HSPB8: variants seen among roughly 807,000 people sequenced by gnomAD.
HSPB8 encodes the protein heat shock protein beta-8.
Under a neutral mutation model 16.5 loss-of-function variants are expected in HSPB8, and 9 were observed. The observed-to-expected ratio is 0.55, with a 90% CI of 0.33 to 0.95. HSPB8 has a LOEUF of 0.95. HSPB8 is among the 40% of genes least tolerant of loss of function. The pLI, the probability that HSPB8 is intolerant of heterozygous loss-of-function variation, is 0.03. For missense variants in HSPB8, 238 were observed against 251.2 expected, an observed-to-expected ratio of 0.95 and a Z score of 0.35; for synonymous variants, 99 against 94.8, an observed-to-expected ratio of 1.04 and a Z score of -0.26.
Position 119,183,759 on chromosome 12 carries a change from G to A in HSPB8, c.368-3266G>A, listed in dbSNP as rs1019376839. Among the ~76,000 whole-genome samples the A allele has an allele frequency of 2.9e-4, 44 of 152,074 alleles. 1 individual carries two copies. Among genetic ancestry groups the A allele is most frequent in the Non-Finnish European group, 5.9e-5 (4 of 68,016 alleles). On this transcript the variant is annotated intron_variant, in intron 1 of 2. Transcript: ENST00000281938. ...CCTCCTAGCAACACTCTCTTTAAAT[G>A]AGGTTAACCCCACCTCCAGGCCCCT... is the stretch of plus-strand genomic sequence containing the variant.
At chr12:119,189,302 GGT>G (rs60310566) in intron 2 of HSPB8, among the ~76,000 whole-genome samples, 20,533 of 143,212 alleles carry the variant, frequency 0.14, 1,440 homozygotes, top group South Asian at 0.2. Context: ...TCTTAAAAGG[GGT>G]GTGTGTGTGT....
chr12:119,183,852 C>T lies in HSPB8; in HGVS notation c.368-3173C>T, dbSNP rs751330086. Among the ~76,000 whole-genome samples, 35 of 152,308 alleles carry T rather than the reference C, an allele frequency of 2.3e-4. 1 individual carries two copies. In the Middle Eastern group the frequency reaches 0.01, roughly 44 times the overall value. On this transcript the variant is annotated intron_variant, in intron 1 of 2. Coordinates refer to ENST00000281938, the MANE Select transcript of HSPB8 (RefSeq NM_014365.3). ...TTCCCTCACCCCAATACCCTATTTT[C>T]AGAGCAGACAGAGGCACCTAGTTTC...
At chr12:119,190,955 A>G (rs1482952990) in intron 2 of HSPB8, among the ~76,000 whole-genome samples, 1 of 152,210 alleles carries the variant, frequency 6.6e-6, no homozygotes, top group Middle Eastern at 3.2e-3. Flanking sequence ...TTTAAATACA[A>G]GTCACTTGGT....
At chr12:119,185,876 A>G (rs1037298460) in intron 1 of HSPB8, among the ~76,000 whole-genome samples, 23 of 152,170 alleles carry the variant, frequency 1.5e-4, no homozygotes, top group Admixed American at 2.6e-4. Flanking sequence ...TTGTCAGTTT[A>G]AAAAAATCTG....
At position 119,194,139 on chromosome 12, in the gene HSPB8, A is replaced by T; in HGVS notation, c.*281A>T. On this transcript the variant is annotated 3_prime_UTR_variant, in exon 3 of 3. Coordinates refer to ENST00000281938, the MANE Select transcript of HSPB8 (RefSeq NM_014365.3). ...ATGTTGCACATTCTATAGTTGCAAA[A>T]CACATAAAAGGGGACTTAACATTTC... is the stretch of plus-strand genomic sequence containing the variant. The T allele has an allele frequency of 2.1e-6, 1 of 475,434 alleles. No individual in the cohort carries two copies. The highest frequency in any genetic ancestry group is 2.1e-5 in the South Asian group (1 of 47,448). The allele number at this position is 475,434 out of a possible 1,614,324, so 29.5% of individuals were successfully genotyped here. A position where few individuals can be genotyped will look rare whatever the true frequency, so the allele number is the denominator to read the frequency against.
Position 119,179,017 on chromosome 12 carries a change from G to A in HSPB8, c.-296G>A. Reference sequence around the variant, plus strand: ...TCAGCGGTTCTGGCTGCCAGCCTGGGCAGCCTGGGAAGCCTGGGAGGACGG... The same window carrying A: ...TCAGCGGTTCTGGCTGCCAGCCTGGACAGCCTGGGAAGCCTGGGAGGACGG... On this transcript the variant is annotated 5_prime_UTR_variant, in exon 1 of 3. Transcript: ENST00000281938. The A allele has an allele frequency of 2.0e-6, 1 of 503,862 alleles. No homozygotes were observed. The highest frequency in any genetic ancestry group is 3.6e-6 in the Non-Finnish European group (1 of 276,682). 31.2% of individuals were successfully genotyped at this position (503,862 alleles called of 1,614,324 possible).
rs752044307 is a variant in HSPB8 at position 119,179,541 on chromosome 12, G to A, written c.229G>A (p.Ala77Thr). 5.6e-6 allele frequency: 9 copies of A among 1,613,612 alleles called. No homozygotes were observed. The African/African-American group carries it at 8.0e-5, about 14-fold the overall frequency. The change falls in exon 1 of 3, where the codon GCC becomes ACC. Residue 77 changes from alanine to threonine, a missense_variant. Transcript: ENST00000281938. ...GMVPRGPTATARFGVPAEGRT... is the reference protein window; with the variant it reads ...GMVPRGPTATTRFGVPAEGRT... ...GGTGCCCCGGGGCCCCACTGCCACC[G>A]CCAGGTTTGGGGTGCCTGCCGAGGG...
intron 2 of HSPB8, among the ~76,000 whole-genome samples, chr12:119,189,668 C>G (rs147367708): frequency 6.6e-6 from 1 of 152,146 alleles, no homozygotes; most frequent in Non-Finnish European, 1.5e-5. Context: ...TGACAGGAGG[C>G]GGAGCTCAGG....
chr12:119,190,903 C>T (rs1179269541), intron 2 of HSPB8, among the ~76,000 whole-genome samples: 1 of 152,202 alleles, frequency 6.6e-6, no homozygotes, highest in Non-Finnish European at 1.5e-5. Flanking sequence ...AGTAGAAGCA[C>T]TGAAAGAGAA....
At chr12:119,190,809 G>A (rs931964759) in intron 2 of HSPB8, among the ~76,000 whole-genome samples, 1 of 152,172 alleles carries the variant, frequency 6.6e-6, no homozygotes, top group Non-Finnish European at 1.5e-5. Context: ...CTCTCTCATT[G>A]TTAAAAAGGG....
intron 1 of HSPB8, among the ~76,000 whole-genome samples, chr12:119,184,728 T>A (rs1050386722): frequency 1.8e-4 from 28 of 152,090 alleles, no homozygotes; most frequent in African/African-American, 6.7e-4. Flanking sequence ...CCTCAGTTAA[T>A]CCTAAAGAAG....
intron 2 of HSPB8, among the ~76,000 whole-genome samples, chr12:119,192,116 G>T (rs773378187): frequency 3.3e-5 from 5 of 152,086 alleles, no homozygotes; most frequent in Non-Finnish European, 7.4e-5. Flanking sequence ...GTTTGTTGAA[G>T]AAACCAAATT....
chr12:119,182,568 G>A (rs890345992), intron 1 of HSPB8, among the ~76,000 whole-genome samples: 11 of 152,132 alleles, frequency 7.2e-5, no homozygotes, highest in African/African-American at 2.7e-4. Flanking sequence ...AACCTGGGAG[G>A]TGGAGGTTGC....
At chr12:119,192,439 A>G (rs1592932434) in intron 2 of HSPB8, among the ~76,000 whole-genome samples, 1 of 152,080 alleles carries the variant, frequency 6.6e-6, no homozygotes, top group Admixed American at 6.6e-5. Flanking sequence ...GGTGGATCAC[A>G]AGGTCAGGAG....
chr12:119,194,102 A>G lies in HSPB8; in HGVS notation c.*244A>G, dbSNP rs1954729910. The G allele has an allele frequency of 4.2e-5, 23 of 551,930 alleles. No individual in the cohort carries two copies. The South Asian group carries it at 4.4e-4, about 11-fold the overall frequency. 34.2% of individuals were successfully genotyped at this position (551,930 alleles called of 1,614,324 possible). The stretch of plus-strand genomic sequence containing the variant: ...TAGTTTTGCTTTCTTTACCTTTTCT[A>G]TCTTGATGAAAATGTTGCACATTCT... On this transcript the variant is annotated 3_prime_UTR_variant, in exon 3 of 3. Transcript: ENST00000281938.
chr12:119,186,557 A>T (rs961452301), intron 1 of HSPB8, among the ~76,000 whole-genome samples: 3 of 151,970 alleles, frequency 2.0e-5, no homozygotes, highest in Admixed American at 1.3e-4. Flanking sequence ...TTAGGAAAGC[A>T]CTCTGTTAGC....
intron 2 of HSPB8, among the ~76,000 whole-genome samples, chr12:119,191,602 A>AG (rs938728814): frequency 4.0e-4 from 61 of 151,326 alleles, no homozygotes; most frequent in African/African-American, 9.9e-4. Flanking sequence ...AAAGAAAGAA[A>AG]AAAAAAAAAC....
chr12:119,190,231 T>C (rs1355493514), intron 2 of HSPB8, among the ~76,000 whole-genome samples: 1 of 152,214 alleles, frequency 6.6e-6, no homozygotes, highest in African/African-American at 2.4e-5. Context: ...CTCCTGGCTC[T>C]GCCCAGACTC....
At chr12:119,191,796 G>A (rs953176364) in intron 2 of HSPB8, among the ~76,000 whole-genome samples, 1 of 152,158 alleles carries the variant, frequency 6.6e-6, no homozygotes, top group African/African-American at 2.4e-5. Flanking sequence ...GGTGCTGGGG[G>A]AGGCAGGAGA....
Sources: allele counts gnomAD v4.1 joint callset (sites outside exome capture counted in the v4.1 genomes callset), GRCh38; gene constraint gnomAD v4.1.1; transcripts MANE v1.5; gene names NCBI Gene and HGNC (gene_info 2026-07-23, HGNC 2026-07-21).